LDLRAD4: variants seen among roughly 807,000 people sequenced by gnomAD.
The protein encoded by LDLRAD4 is low-density lipoprotein receptor class A domain-containing protein 4.
In LDLRAD4, 5 loss-of-function variants were observed where a neutral mutation model predicts 17.0. The observed-to-expected ratio is 0.29, with a 90% CI of 0.15 to 0.62. LDLRAD4 has a LOEUF of 0.62. Ranked by LOEUF, LDLRAD4 falls within the 20% of genes least tolerant of loss-of-function variation. The pLI is 0.84. For missense variants in LDLRAD4, 340 were observed against 424.7 expected (o/e 0.80, Z 1.75); for synonymous variants, 168 against 171.8 (o/e 0.98, Z 0.17).
intron 1 of LDLRAD4, among the ~76,000 whole-genome samples, chr18:13,303,494 C>T (rs555075666): frequency 6.6e-6 from 1 of 151,996 alleles, no homozygotes; most frequent in Admixed American, 6.6e-5. Flanking sequence ...TCCTTTTCTC[C>T]TTCCTTCTTT....
chr18:13,572,468 C>T (rs1442431613), intron 3 of LDLRAD4, among the ~76,000 whole-genome samples: 2 of 152,178 alleles, frequency 1.3e-5, no homozygotes, highest in Non-Finnish European at 1.5e-5. Context: ...AATCCCTTGG[C>T]CTTTTTACTG....
intron 3 of LDLRAD4, chr18:13,514,600 A>G (rs938988172): frequency 2.6e-5 from 4 of 152,220 alleles, no homozygotes; most frequent in African/African-American, 7.2e-5. Flanking sequence ...ACTTGTTAAC[A>G]CTGTCTTAAG....
intron 1 of LDLRAD4, among the ~76,000 whole-genome samples, chr18:13,285,315 G>A (rs997574655): frequency 6.6e-6 from 1 of 152,198 alleles, no homozygotes. Context: ...TGGAGCACAA[G>A]GTGTGTGGTT....
chr18:13,411,385 G>A (rs1394136389), intron 2 of LDLRAD4, among the ~76,000 whole-genome samples: 2 of 152,146 alleles, frequency 1.3e-5, no homozygotes, highest in Non-Finnish European at 2.9e-5. Flanking sequence ...TTTGCTATTA[G>A]ACTAATATGT....
At chr18:13,329,165 T>C (rs1269290282) in intron 1 of LDLRAD4, among the ~76,000 whole-genome samples, 1 of 152,230 alleles carries the variant, frequency 6.6e-6, no homozygotes, top group Admixed American at 6.5e-5. Flanking sequence ...ATTTGTAGGA[T>C]ACATTCCCAG....
At chr18:13,452,152 G>A (rs1321551408) in intron 3 of LDLRAD4, among the ~76,000 whole-genome samples, 2 of 152,180 alleles carry the variant, frequency 1.3e-5, no homozygotes, top group African/African-American at 4.8e-5. Flanking sequence ...GTCCCCAGTA[G>A]CTGTGCCTTT....
In LDLRAD4 at chr18:13,450,218, G is replaced by A. The variant is rs560568025; in HGVS notation, c.181+11834G>A. 1.8e-3 allele frequency among the ~76,000 whole-genome samples: 278 copies of A among 152,132 alleles called. 1 individual carries two copies. The highest frequency in any genetic ancestry group is 2.7e-3 in the Non-Finnish European group (187 of 68,000). On this transcript the variant is annotated intron_variant, in intron 3 of 5. Coordinates refer to ENST00000359446, the Ensembl canonical transcript of LDLRAD4. ...AGCCCCATGAGGCCTCTAGATCAGC[G>A]GCTGCTGCCTCCTCTCACCCTTCTG...
intron 3 of LDLRAD4, among the ~76,000 whole-genome samples, chr18:13,573,843 C>G (rs1021706137): frequency 6.6e-6 from 1 of 152,144 alleles, no homozygotes; most frequent in African/African-American, 2.4e-5. Context: ...AAGCCGAGAC[C>G]ACAGACACAG....
chr18:13,239,989 A>C (rs2042546869), intron 1 of LDLRAD4: 1 of 152,204 alleles, frequency 6.6e-6, no homozygotes, highest in South Asian at 2.1e-4. Flanking sequence ...AACTCTCCTC[A>C]TGCCAGTTGT....
intron 3 of LDLRAD4, chr18:13,613,827 C>T (rs559621322): frequency 6.6e-6 from 1 of 152,296 alleles, no homozygotes; most frequent in Non-Finnish European, 1.5e-5. Flanking sequence ...CAGGTAGCCG[C>T]GCCTGGGTCA....
Position 13,440,433 on chromosome 18 carries a change from A to T in LDLRAD4, c.181+2049A>T, listed in dbSNP as rs1337152335. 6.6e-6 allele frequency among the ~76,000 whole-genome samples: 1 copy of T among 152,162 alleles called. No individual in the cohort carries two copies. The highest frequency in any genetic ancestry group is 2.4e-5 in the African/African-American group (1 of 41,430). Reference sequence around the variant, plus strand: ...CAGTGGCTCAACTTTGCCCTAACAGAGGAGTCTTACGATCCTGTTGGCAAA... The same window carrying T: ...CAGTGGCTCAACTTTGCCCTAACAGTGGAGTCTTACGATCCTGTTGGCAAA... On this transcript the variant is annotated intron_variant, in intron 3 of 5. Transcript: ENST00000359446. The surrounding 1 kb of genome is among the most constrained non-coding windows in gnomAD (Gnocchi z 4.4).
chr18:13,643,331 C>A (rs1234203154), intron 4 of LDLRAD4, 28 bp from the exon 6 acceptor site: 1 of 1,448,444 alleles, frequency 6.9e-7, no homozygotes, highest in East Asian at 2.8e-5. Flanking sequence ...CTTGTTCCCC[C>A]CACTCTCCTC....
chr18:13,316,683 T>C (rs2080950605), intron 1 of LDLRAD4, among the ~76,000 whole-genome samples: 1 of 152,162 alleles, frequency 6.6e-6, no homozygotes, highest in Admixed American at 6.6e-5. Flanking sequence ...GGTGCTGCTG[T>C]TGTTAGGGAA....
chr18:13,258,602 AT>A (rs1199626873), intron 1 of LDLRAD4, among the ~76,000 whole-genome samples: 2 of 152,256 alleles, frequency 1.3e-5, no homozygotes, highest in Non-Finnish European at 2.9e-5. Flanking sequence ...TGAACCAAAG[AT>A]TACATTCTTT....
At chr18:13,296,165 T>C (rs1179755542) in intron 1 of LDLRAD4, among the ~76,000 whole-genome samples, 3 of 152,234 alleles carry the variant, frequency 2.0e-5, no homozygotes, top group African/African-American at 7.2e-5. Context: ...TGACCTGTCA[T>C]GTTAGAGCAG....
At chr18:13,545,792 C>G (rs1382429015) in intron 3 of LDLRAD4, among the ~76,000 whole-genome samples, 1 of 152,150 alleles carries the variant, frequency 6.6e-6, no homozygotes, top group African/African-American at 2.4e-5. Flanking sequence ...TGGGGTGGAG[C>G]CTTCCAGGGG....
At chr18:13,422,783 C>T (rs1476736636) in intron 2 of LDLRAD4, among the ~76,000 whole-genome samples, 2 of 152,238 alleles carry the variant, frequency 1.3e-5, no homozygotes, top group African/African-American at 4.8e-5. Context: ...TCTCCAGCAA[C>T]AGATCTGTTT....
chr18:13,477,439 A>G (rs1266504165), intron 3 of LDLRAD4, among the ~76,000 whole-genome samples: 1 of 152,132 alleles, frequency 6.6e-6, no homozygotes, highest in East Asian at 1.9e-4. Context: ...GAGCCCTCCC[A>G]CCTGCCTCTA....
chr18:13,555,673 T>A (rs1284311418), intron 3 of LDLRAD4, among the ~76,000 whole-genome samples: 1 of 152,230 alleles, frequency 6.6e-6, no homozygotes, highest in Non-Finnish European at 1.5e-5. Context: ...GTTTTTGAGT[T>A]GAAAAATTAC....
Sources: gnomAD v4.1 joint callset for allele counts (sites outside exome capture counted in the v4.1 genomes callset) on GRCh38, gnomAD v4.1.1 for gene constraint, Gnocchi (gnomAD v3.1) non-coding constraint, MANE v1.5 for transcripts, NCBI Gene and HGNC (gene_info 2026-07-23, HGNC 2026-07-21) for gene names.